UST: variants seen among roughly 807,000 people sequenced by gnomAD.
UST encodes the protein chondroitin sulfate 2-O-sulfotransferase.
UST carries 21 observed loss-of-function variants against 45.6 expected under a neutral mutation model. The observed-to-expected ratio is 0.46, with a 90% CI of 0.33 to 0.66. The LOEUF (loss-of-function observed/expected upper bound fraction) is 0.66, where lower values mean the gene tolerates loss of function less well. Among genes scored for constraint, UST ranks in the 30% least tolerant of loss-of-function variants. UST has a pLI of 0.02. For missense variants in UST, 463 were observed against 512.4 expected (o/e 0.90, Z 0.93); for synonymous variants, 215 against 200.6 (o/e 1.07, Z -0.61).
chr6:148,830,800 G>A (rs935263007), intron 1 of UST, among the ~76,000 whole-genome samples: 1 of 148,178 alleles, frequency 6.7e-6, no homozygotes, highest in Non-Finnish European at 1.5e-5. Context: ...CCAGAGACAG[G>A]GGGGAGGAGG....
chr6:148,824,204 A>C (rs1325753043), intron 1 of UST, among the ~76,000 whole-genome samples: 2 of 152,224 alleles, frequency 1.3e-5, no homozygotes, highest in Non-Finnish European at 2.9e-5. Flanking sequence ...TATGTTGAAG[A>C]AGCATGCTCA....
At chr6:149,016,720 G>T (rs116574234) in intron 5 of UST, among the ~76,000 whole-genome samples, 1,582 of 152,282 alleles carry the variant, frequency 0.01, 39 homozygotes, top group African/African-American at 0.036. Flanking sequence ...CAGGACTCTG[G>T]GGGGCTGACT....
At chr6:149,051,060 T>C (rs1047687931) in intron 7 of UST, among the ~76,000 whole-genome samples, 15 of 152,108 alleles carry the variant, frequency 9.9e-5, no homozygotes, top group African/African-American at 3.6e-4. Context: ...GTGGCTTCAG[T>C]CTAGAGACAC....
chr6:148,875,782 C>T (rs188783457), intron 1 of UST, among the ~76,000 whole-genome samples: 5 of 152,240 alleles, frequency 3.3e-5, no homozygotes, highest in African/African-American at 1.2e-4. Flanking sequence ...CCCGCTTCGG[C>T]GACACAGCAA....
At chr6:148,935,484 C>T (rs1187222258) in intron 2 of UST, among the ~76,000 whole-genome samples, 1 of 152,148 alleles carries the variant, frequency 6.6e-6, no homozygotes, top group Admixed American at 6.5e-5. Flanking sequence ...GGATAGAGTT[C>T]TCGGCCTGAC....
At chr6:148,897,449 G>C (rs1199290494) in intron 2 of UST, among the ~76,000 whole-genome samples, 1 of 151,726 alleles carries the variant, frequency 6.6e-6, no homozygotes, top group Non-Finnish European at 1.5e-5. Context: ...CAAAGTGCTG[G>C]GATTACAGGC....
chr6:148,750,855 A>G (rs1582786688), intron 1 of UST, among the ~76,000 whole-genome samples: 1 of 152,168 alleles, frequency 6.6e-6, no homozygotes, highest in Non-Finnish European at 1.5e-5. Flanking sequence ...AACTGGGAGT[A>G]ATGTTGGTCG....
chr6:148,829,737 A>G (rs924617392), intron 1 of UST, among the ~76,000 whole-genome samples: 1 of 152,146 alleles, frequency 6.6e-6, no homozygotes, highest in African/African-American at 2.4e-5. Context: ...TTGTTTTAAT[A>G]CTTTGTTCTT....
At chr6:148,887,976 C>G (rs1232888079) in intron 2 of UST, among the ~76,000 whole-genome samples, 1 of 152,172 alleles carries the variant, frequency 6.6e-6, no homozygotes. Flanking sequence ...TAATGAACCC[C>G]CAACCTTAGA....
At position 149,058,345 on chromosome 6, in the gene UST, A is replaced by ATGTGTG. The variant is rs56994081; in HGVS notation, c.938-15450_938-15445dup. Among the ~76,000 whole-genome samples, 175 of 119,812 alleles carry ATGTGTG rather than the reference A, an allele frequency of 1.5e-3. 2 individuals are homozygous for ATGTGTG. Among genetic ancestry groups the ATGTGTG allele is most frequent in the South Asian group, 6.7e-3 (22 of 3,290 alleles). 78.6% of individuals were successfully genotyped at this position (119,812 alleles called of 152,430 possible). On this transcript the variant is annotated intron_variant, in intron 7 of 7. Coordinates refer to ENST00000367463, the MANE Select transcript of UST (RefSeq NM_005715.3). ...GCCTCCTCCCTGCCAAAGGAGGAGC[A>ATGTGTG]TGTGTGTGTGTGTGTGTGTGTGTGT... is the stretch of plus-strand genomic sequence containing the variant.
At chr6:149,015,022 G>C (rs1338117580) in intron 5 of UST, among the ~76,000 whole-genome samples, 1 of 152,090 alleles carries the variant, frequency 6.6e-6, no homozygotes, top group Non-Finnish European at 1.5e-5. Flanking sequence ...TCCTGTGGGG[G>C]TGAAGAGGGG....
At position 148,790,512 on chromosome 6, in the gene UST, T is replaced by A. The variant is rs903860083; in HGVS notation, c.247+42835T>A. 2.0e-5 allele frequency among the ~76,000 whole-genome samples: 3 copies of A among 152,176 alleles called. No homozygotes were observed. The highest frequency in any genetic ancestry group is 4.4e-5 in the Non-Finnish European group (3 of 68,022). On this transcript the variant is annotated intron_variant, in intron 1 of 7. Transcript: ENST00000367463. The surrounding 1 kb of genome is among the most constrained non-coding windows in gnomAD (Gnocchi z 4.2). The stretch of plus-strand genomic sequence containing the variant: ...GTCCGTGCCCTGAATCACCTCCACG[T>A]CCCACCTTGTGCCTGGTGAATGTCA...
rs369733530 is a variant in UST at position 149,064,026 on chromosome 6, G to T, written c.938-9807G>T. 5.9e-5 allele frequency among the ~76,000 whole-genome samples: 9 copies of T among 152,218 alleles called. No individual in the cohort carries two copies. The East Asian group carries it at 1.2e-3, about 20-fold the overall frequency. The stretch of plus-strand genomic sequence containing the variant: ...CACAGCACATACGGCAAATCTTCAT[G>T]ATCTTGTAGTAAGTATGAAAGACCC... On this transcript the variant is annotated intron_variant, in intron 7 of 7. Transcript: ENST00000367463.
intron 2 of UST, among the ~76,000 whole-genome samples, chr6:148,916,523 CT>C (rs1261990990): frequency 6.6e-6 from 1 of 152,224 alleles, no homozygotes; most frequent in Non-Finnish European, 1.5e-5. Context: ...GTGCCGCCCC[CT>C]CTTTAGCGCC....
intron 5 of UST, 108 bp downstream of exon 5, chr6:148,964,671 A>G (rs1780745584): frequency 2.1e-6 from 3 of 1,441,488 alleles, no homozygotes; most frequent in East Asian, 2.4e-5. Context: ...TGGCGCCTCC[A>G]TGGAGCGTGG....
At chr6:148,901,510 G>A (rs7757423) in intron 2 of UST, among the ~76,000 whole-genome samples, 100,683 of 151,360 alleles carry the variant, frequency 0.67, 33,676 homozygotes, top group Non-Finnish European at 0.7. Context: ...AGAGGGGCAC[G>A]TAGGGAGACT....
intron 2 of UST, among the ~76,000 whole-genome samples, chr6:148,925,116 C>G (rs902030276): frequency 2.0e-5 from 3 of 152,286 alleles, no homozygotes. Flanking sequence ...TTGGTTCCTT[C>G]TGTACTAAAC....
At chr6:148,887,649 AT>A (rs1313964764) in intron 2 of UST, among the ~76,000 whole-genome samples, 1 of 152,256 alleles carries the variant, frequency 6.6e-6, no homozygotes, top group East Asian at 1.9e-4. Flanking sequence ...CAAATTGATC[AT>A]TGTATATAAG....
intron 2 of UST, among the ~76,000 whole-genome samples, chr6:148,910,162 C>G (rs1259374955): frequency 9.3e-6 from 1 of 107,988 alleles, no homozygotes; most frequent in Non-Finnish European, 1.8e-5. Flanking sequence ...TTTTTTGAGA[C>G]AGAGTTTCAC....
Sources: gnomAD v4.1 joint callset for allele counts (sites outside exome capture counted in the v4.1 genomes callset) on GRCh38, gnomAD v4.1.1 for gene constraint, Gnocchi (gnomAD v3.1) non-coding constraint, MANE v1.5 for transcripts, NCBI Gene and HGNC (gene_info 2026-07-23, HGNC 2026-07-21) for gene names.